ORC3: variants seen among roughly 807,000 people sequenced by gnomAD.
ORC3 encodes origin recognition complex subunit 3.
In ORC3, 78 loss-of-function variants were observed where a neutral mutation model predicts 100.7. The observed-to-expected ratio is 0.77, with a 90% confidence interval of 0.65 to 0.94. The LOEUF (loss-of-function observed/expected upper bound fraction) is 0.94. Among genes scored for constraint, ORC3 ranks in the 40% least tolerant of loss-of-function variants. The pLI is 0.00. For missense variants in ORC3, 789 were observed against 823.9 expected, an observed-to-expected ratio of 0.96 and a Z score of 0.52; for synonymous variants, 295 against 289.3, an observed-to-expected ratio of 1.02 and a Z score of -0.20.
At chr6:87,642,758 C>T (rs564872493) in intron 13 of ORC3, among the ~76,000 whole-genome samples, 11 of 150,314 alleles carry the variant, frequency 7.3e-5, no homozygotes, top group East Asian at 4.0e-4. Context: ...AAAAATTAGC[C>T]GGGTGTGGTG....
At chr6:87,669,143 G>A (rs1051492275), downstream of ORC3, among the ~76,000 whole-genome samples, 15 of 152,186 alleles carry the variant, frequency 9.9e-5, no homozygotes, top group African/African-American at 3.4e-4. Context: ...GGCAGAAAGA[G>A]TGAAACTCCG....
At chr6:87,593,843 C>G (rs1261690684) in intron 1 of ORC3, among the ~76,000 whole-genome samples, 1 of 152,152 alleles carries the variant, frequency 6.6e-6, no homozygotes, top group East Asian at 1.9e-4. Flanking sequence ...ATTACAGGCT[C>G]ACACCAACAC....
At chr6:87,658,093 A>G (rs749847008) in intron 16 of ORC3, 75 bp downstream of exon 16, 27 of 757,088 alleles carry the variant, frequency 3.6e-5, no homozygotes, top group Non-Finnish European at 5.5e-5. Context: ...ATAGCTGTCT[A>G]TAGCCAATCC....
chr6:87,644,086 T>C (rs1768525942), intron 13 of ORC3, among the ~76,000 whole-genome samples: 1 of 70,496 alleles, frequency 1.4e-5, no homozygotes, highest in African/African-American at 5.5e-5. Flanking sequence ...GTCCTTTTTT[T>C]TTTTTTTTTT....
intron 16 of ORC3, among the ~76,000 whole-genome samples, chr6:87,661,789 A>G (rs1192549711): frequency 2.0e-5 from 3 of 152,082 alleles, no homozygotes; most frequent in Admixed American, 2.0e-4. Flanking sequence ...TGAGTTAACT[A>G]TATACTTTAA....
chr6:87,605,640 A>T (rs190032208), intron 4 of ORC3, among the ~76,000 whole-genome samples: 2 of 151,200 alleles, frequency 1.3e-5, no homozygotes, highest in Admixed American at 1.3e-4. Flanking sequence ...ACAGAGCGAG[A>T]TTCTGTCTCA....
chr6:87,596,029 C>G (rs1411067088), intron 2 of ORC3, among the ~76,000 whole-genome samples: 2 of 151,364 alleles, frequency 1.3e-5, no homozygotes. Context: ...TTTGTAGAGA[C>G]AGGGTCTCAC....
chr6:87,644,434 T>C (rs1340743566), intron 13 of ORC3, among the ~76,000 whole-genome samples: 1 of 151,440 alleles, frequency 6.6e-6, no homozygotes, highest in East Asian at 2.0e-4. Flanking sequence ...AGGCCAGGCA[T>C]GGTGGCTCAT....
At chr6:87,676,020 T>C in the ORC3 span, 63 of 1,100,802 alleles carry the variant, frequency 5.7e-5, no homozygotes, top group Non-Finnish European at 7.5e-5. Flanking sequence ...AGTAAAACAA[T>C]TCTAAGTTGA....
At chr6:87,635,289 G>A (rs1254723483) in intron 12 of ORC3, among the ~76,000 whole-genome samples, 1 of 152,184 alleles carries the variant, frequency 6.6e-6, no homozygotes, top group East Asian at 1.9e-4. Flanking sequence ...AATGGAAGAA[G>A]GAATCTGTTT....
chr6:87,646,344 C>T (rs1297396418), intron 13 of ORC3, among the ~76,000 whole-genome samples: 1 of 152,120 alleles, frequency 6.6e-6, no homozygotes, highest in African/African-American at 2.4e-5. Context: ...TCTTTTGTGG[C>T]ATTAATGTGA....
intron 12 of ORC3, 85 bp downstream of exon 12, chr6:87,635,046 G>A (rs1767710454): frequency 6.3e-6 from 5 of 795,906 alleles, no homozygotes; most frequent in Non-Finnish European, 1.1e-5. Context: ...TCAGGCATCA[G>A]AATGTGAAAT....
At chr6:87,628,819 A>C (rs1334082250) in intron 11 of ORC3, among the ~76,000 whole-genome samples, 2 of 152,180 alleles carry the variant, frequency 1.3e-5, no homozygotes, top group East Asian at 3.8e-4. Flanking sequence ...TTCTTTTGTC[A>C]GACCTACAGG....
chr6:87,641,125 A>G (rs1030324362), intron 13 of ORC3, among the ~76,000 whole-genome samples: 4 of 151,998 alleles, frequency 2.6e-5, no homozygotes, highest in African/African-American at 4.8e-5. Context: ...AAAAAAAATC[A>G]GAGCCTCAAC....
chr6:87,668,801 G>A (rs1309858648), downstream of ORC3, among the ~76,000 whole-genome samples: 1 of 151,956 alleles, frequency 6.6e-6, no homozygotes, highest in African/African-American at 2.4e-5. Context: ...TGGCCAACCT[G>A]GTAAAACCCC....
At chr6:87,674,331 T>G in the ORC3 span, among the ~76,000 whole-genome samples, 1 of 149,638 alleles carries the variant, frequency 6.7e-6, no homozygotes, top group African/African-American at 2.5e-5. Flanking sequence ...AAAAATTCCT[T>G]TTTCTTCTAA....
intron 6 of ORC3, 86 bp downstream of exon 6, chr6:87,607,910 C>A: frequency 1.2e-6 from 1 of 858,194 alleles, no homozygotes; most frequent in Non-Finnish European, 1.8e-6. Context: ...CTGTTTTGAT[C>A]TAACAAGGAT....
intron 13 of ORC3, among the ~76,000 whole-genome samples, chr6:87,639,155 G>GA (rs1443322482): frequency 1.3e-5 from 2 of 152,038 alleles, no homozygotes; most frequent in East Asian, 1.9e-4. Context: ...TCCAAAATCT[G>GA]AAAAAATCCA....
chr6:87,612,776 C>A (rs553259570), intron 8 of ORC3, among the ~76,000 whole-genome samples: 1 of 152,198 alleles, frequency 6.6e-6, no homozygotes, highest in East Asian at 1.9e-4. Flanking sequence ...CCACGCCTGG[C>A]TAATTTGTAT....
Sources: gnomAD v4.1 joint callset for allele counts (sites outside exome capture counted in the v4.1 genomes callset) on GRCh38, gnomAD v4.1.1 for gene constraint, MANE v1.5 for transcripts, NCBI Gene and HGNC (gene_info 2026-07-23, HGNC 2026-07-21) for gene names.